The following ARID4A variants were observed in gnomAD, a reference collection of about 807,000 sequenced individuals.
The protein encoded by ARID4A is AT-rich interaction domain 4A, also known as AT-rich interactive domain-containing protein 4A.
In ARID4A, 39 loss-of-function variants were observed where a neutral mutation model predicts 148.6. The ratio of observed to expected loss-of-function variants is 0.26; its 90% CI spans 0.20 to 0.34. The LOEUF (loss-of-function observed/expected upper bound fraction) is 0.34, where lower values mean the gene tolerates loss of function less well. Ranked by LOEUF, ARID4A falls within the 10% of genes least tolerant of loss-of-function variation. The pLI is 1.00. For missense variants in ARID4A, 1,265 were observed against 1,449.1 expected (o/e 0.87, Z 2.06); for synonymous variants, 475 against 481.2 (o/e 0.99, Z 0.17).
At chr14:58,332,679 A>G (rs781623582) in intron 11 of ARID4A, among the ~76,000 whole-genome samples, 8 of 152,176 alleles carry the variant, frequency 5.3e-5, no homozygotes, top group African/African-American at 1.2e-4. Flanking sequence ...GCCATGGCCT[A>G]CCTGGCTTAG....
chr14:58,371,911 A>G lies in ARID4A; in HGVS notation c.3696A>G (p.Ser1232=). The stretch of plus-strand genomic sequence containing the variant: ...TGTCTCATGCGGGAGCCTCCATGTC[A>G]TCTGCTTCATCAGACACTGGAATGA... The part of the protein sequence containing the change: ...REVSHAGASM[S]SASSDTGMSP... The change falls in exon 24 of 24, where the codon TCA becomes TCG. Residue 1232 remains serine (S), a synonymous_variant. Coordinates refer to ENST00000355431, the MANE Select transcript of ARID4A (RefSeq NM_002892.4). The G allele has an allele frequency of 6.2e-7, 1 of 1,613,404 alleles. No individual in the cohort carries two copies. Among genetic ancestry groups the G allele is most frequent in the South Asian group, 1.1e-5 (1 of 91,020 alleles).
intron 5 of ARID4A, among the ~76,000 whole-genome samples, chr14:58,308,829 C>T (rs910890876): frequency 6.6e-6 from 1 of 152,042 alleles, no homozygotes; most frequent in Non-Finnish European, 1.5e-5. Flanking sequence ...GTGTTTATGA[C>T]GTGTGTTACC....
chr14:58,341,359 A>G (rs1296048389), intron 11 of ARID4A, among the ~76,000 whole-genome samples: 2 of 152,196 alleles, frequency 1.3e-5, no homozygotes, highest in Non-Finnish European at 2.9e-5. Context: ...TGCCTTTGTC[A>G]GTTTCATGCT....
intron 19 of ARID4A, among the ~76,000 whole-genome samples, chr14:58,361,329 A>G (rs1232463040): frequency 1.3e-5 from 2 of 152,132 alleles, no homozygotes; most frequent in African/African-American, 4.8e-5. Context: ...TGTTTCTTAT[A>G]CACATAGCCT....
intron 15 of ARID4A, among the ~76,000 whole-genome samples, chr14:58,349,839 G>T (rs1418413215): frequency 6.6e-6 from 1 of 152,050 alleles, no homozygotes; most frequent in African/African-American, 2.4e-5. Context: ...GGCCGGGCAC[G>T]GTGGCTCACG....
At chr14:58,316,919 C>T (rs575577170) in intron 5 of ARID4A, among the ~76,000 whole-genome samples, 136 of 418 alleles carry the variant, frequency 0.33, no homozygotes, top group African/African-American at 0.45. Flanking sequence ...AAAGGCCAGG[C>T]GCGGTGCTCA....
chr14:58,312,733 T>A (rs1318021382), intron 5 of ARID4A, among the ~76,000 whole-genome samples: 1 of 152,228 alleles, frequency 6.6e-6, no homozygotes, highest in Non-Finnish European at 1.5e-5. Flanking sequence ...TCATGCCTAT[T>A]ATGTCTTTTG....
chr14:58,371,930 G>A lies in ARID4A; in HGVS notation c.3715G>A (p.Gly1239Arg). Residue 1239 changes from glycine to arginine, a missense_variant, in exon 24 of 24, where the codon GGA becomes AGA. By Grantham distance (125) the Gly-to-Arg change is moderately radical. This residue lies in a region of ARID4A where 666 missense variants were observed against 730.9 expected (regional missense o/e 0.91). Coordinates refer to ENST00000355431, the MANE Select transcript of ARID4A (RefSeq NM_002892.4). ...CATGTCATCTGCTTCATCAGACACTGGAATGAGTCCCTCATCATCATCTCC... is the reference window on the plus strand; with the variant it reads ...CATGTCATCTGCTTCATCAGACACTAGAATGAGTCCCTCATCATCATCTCC... Reference protein sequence around the residue: ...ASMSSASSDTGMSPSSSSPPQ... With the variant: ...ASMSSASSDTRMSPSSSSPPQ... 6.2e-7 allele frequency: 1 copy of A among 1,613,394 alleles called. No homozygotes were observed. Among genetic ancestry groups the A allele is most frequent in the Non-Finnish European group, 8.5e-7 (1 of 1,179,388 alleles).
At chr14:58,332,354 G>C (rs1312236722) in intron 11 of ARID4A, among the ~76,000 whole-genome samples, 1 of 152,036 alleles carries the variant, frequency 6.6e-6, no homozygotes, top group East Asian at 1.9e-4. Flanking sequence ...CAAAATTACA[G>C]AATTTAGGCA....
intron 7 of ARID4A, 114 bp downstream of exon 7, chr14:58,318,919 C>T (rs756501539): frequency 5.9e-5 from 47 of 794,128 alleles, no homozygotes; most frequent in Non-Finnish European, 9.0e-5. Context: ...CATATTGTAT[C>T]CTTATGTTAG....
At chr14:58,356,014 T>C (rs2034851627) in intron 17 of ARID4A, among the ~76,000 whole-genome samples, 1 of 152,216 alleles carries the variant, frequency 6.6e-6, no homozygotes, top group Non-Finnish European at 1.5e-5. Context: ...TCCTAAAAGC[T>C]GGTATAATTC....
At chr14:58,318,049 T>C (rs943769849) in intron 5 of ARID4A, among the ~76,000 whole-genome samples, 4 of 152,192 alleles carry the variant, frequency 2.6e-5, no homozygotes, top group Admixed American at 1.3e-4. Context: ...CTTATGACTT[T>C]AGAATTTGGC....
chr14:58,323,968 G>T (rs1417207203), intron 8 of ARID4A, among the ~76,000 whole-genome samples: 1 of 140,206 alleles, frequency 7.1e-6, no homozygotes, highest in Admixed American at 7.5e-5. Context: ...GCAGTGGCGC[G>T]ATCTCGGCTC....
In ARID4A at chr14:58,361,047, C is replaced by G; in HGVS notation, c.2080+5C>G. The G allele has an allele frequency of 6.2e-7, 1 of 1,612,934 alleles. No individual in the cohort carries two copies. The highest frequency in any genetic ancestry group is 1.3e-5 in the African/African-American group (1 of 74,982). Reference sequence around the variant, plus strand: ...CAAACAGTGAAGGAAAATCAGGTACCAGAAGTGCTCGCAGCAATATACCAG... The same window carrying G: ...CAAACAGTGAAGGAAAATCAGGTACGAGAAGTGCTCGCAGCAATATACCAG... On this transcript the variant is annotated splice_donor_5th_base_variant and intron_variant, in intron 19 of 23. Coordinates refer to ENST00000355431, the MANE Select transcript of ARID4A (RefSeq NM_002892.4).
In ARID4A at chr14:58,346,401, C is replaced by T. The variant is rs1026482470; in HGVS notation, c.980-10C>T. The T allele has an allele frequency of 4.5e-6, 7 of 1,566,098 alleles. No individual in the cohort carries two copies. The highest frequency in any genetic ancestry group is 6.1e-6 in the Non-Finnish European group (7 of 1,143,934). On this transcript the variant is annotated splice_polypyrimidine_tract_variant and intron_variant, in intron 12 of 23. Coordinates refer to ENST00000355431, the MANE Select transcript of ARID4A (RefSeq NM_002892.4). ...TAAACATTTTATTTCTACCTACTTA[C>T]ATTGAAAAGGTACTCCAATCAACAA...
chr14:58,309,309 A>C (rs2031842386), intron 5 of ARID4A, among the ~76,000 whole-genome samples: 1 of 152,170 alleles, frequency 6.6e-6, no homozygotes, highest in Non-Finnish European at 1.5e-5. Flanking sequence ...AGTAAACAGC[A>C]CCAACTCAAG....
At chr14:58,344,507 G>A (rs1278863573) in intron 11 of ARID4A, among the ~76,000 whole-genome samples, 188 bp from the exon 12 acceptor site, 1 of 152,188 alleles carries the variant, frequency 6.6e-6, no homozygotes, top group East Asian at 1.9e-4. Flanking sequence ...GGTAAATGGA[G>A]TGAAGGGTAG....
intron 7 of ARID4A, among the ~76,000 whole-genome samples, chr14:58,320,129 G>C (rs1314295208): frequency 6.6e-6 from 1 of 151,378 alleles, no homozygotes; most frequent in Non-Finnish European, 1.5e-5. Flanking sequence ...TCTATTTTTA[G>C]TAGAGACAGG....
chr14:58,337,241 T>TC (rs2033864627), intron 11 of ARID4A, among the ~76,000 whole-genome samples: 2 of 120,708 alleles, frequency 1.7e-5, no homozygotes, highest in African/African-American at 3.4e-5. Context: ...GAACCTTCTC[T>TC]TTATTTATAT....
Sources: gnomAD v4.1 joint callset for allele counts (sites outside exome capture counted in the v4.1 genomes callset) on GRCh38, gnomAD v4.1.1 for gene constraint, gnomAD v4.1.1 regional missense constraint, MANE v1.5 for transcripts, NCBI Gene and HGNC (gene_info 2026-07-23, HGNC 2026-07-21) for gene names.